The following BMPR1A variants were observed in gnomAD, a reference collection of about 807,000 sequenced individuals.
BMPR1A encodes bone morphogenetic protein receptor type 1A, also known as bone morphogenetic protein receptor type-1A.
BMPR1A carries 7 observed loss-of-function variants against 66.0 expected under a neutral mutation model. The ratio of observed to expected loss-of-function variants is 0.11; its 90% CI spans 0.06 to 0.20. BMPR1A has a LOEUF of 0.20. Among genes scored for constraint, BMPR1A ranks in the 10% least tolerant of loss-of-function variants. The pLI, the probability that BMPR1A is intolerant of heterozygous loss-of-function variation, is 1.00. For missense variants in BMPR1A, 408 were observed against 669.1 expected (o/e 0.61, Z 4.31); for synonymous variants, 200 against 229.7 (o/e 0.87, Z 1.17).
At chr10:86,870,878 C>T (rs1564709087) in intron 2 of BMPR1A, among the ~76,000 whole-genome samples, 1 of 152,020 alleles carries the variant, frequency 6.6e-6, no homozygotes, top group Non-Finnish European at 1.5e-5. Context: ...GCTTACTCAT[C>T]TGTTTGCTTT....
Position 86,925,596 on chromosome 10 carries a change from T to C in BMPR1A, c.*1877T>C, listed in dbSNP as rs1277384260. 5.0e-6 allele frequency: 1 copy of C among 201,494 alleles called. No homozygotes were observed. Among genetic ancestry groups the C allele is most frequent in the Non-Finnish European group, 1.0e-5 (1 of 98,154 alleles). The allele number at this position is 201,494 out of a possible 1,614,324, so 12.5% of individuals were successfully genotyped here. A position where few individuals can be genotyped will look rare whatever the true frequency, so the allele number is the denominator to read the frequency against. ...TTTTCAGAATTTTTCACCATATGTA[T>C]ACTGAGAAATACAAATATTTTAATC... is the stretch of plus-strand genomic sequence containing the variant. On this transcript the variant is annotated 3_prime_UTR_variant, in exon 13 of 13. Coordinates refer to ENST00000372037, the MANE Select transcript of BMPR1A (RefSeq NM_004329.3).
At chr10:86,846,858 T>C (rs1184867930) in intron 2 of BMPR1A, among the ~76,000 whole-genome samples, 1 of 152,236 alleles carries the variant, frequency 6.6e-6, no homozygotes, top group Non-Finnish European at 1.5e-5. Context: ...AGTCCCACTC[T>C]CTTCCATTCA....
intron 1 of BMPR1A, among the ~76,000 whole-genome samples, chr10:86,835,050 T>G (rs980960250): frequency 6.6e-6 from 1 of 151,938 alleles, no homozygotes; most frequent in African/African-American, 2.4e-5. Context: ...AGAATTCCAT[T>G]ACATCTTGAT....
chr10:86,878,766 G>C (rs866322094), intron 3 of BMPR1A, among the ~76,000 whole-genome samples: 4 of 152,150 alleles, frequency 2.6e-5, no homozygotes, highest in Non-Finnish European at 4.4e-5. Context: ...CTAATAGCAA[G>C]AGCTACTGGA....
intron 7 of BMPR1A, among the ~76,000 whole-genome samples, chr10:86,902,062 G>A (rs1233605961): frequency 1.3e-5 from 2 of 152,068 alleles, no homozygotes; most frequent in Non-Finnish European, 2.9e-5. Context: ...GTTTCACCAT[G>A]TTGACCAGGC....
At chr10:86,795,714 A>C (rs1841698545) in intron 1 of BMPR1A, among the ~76,000 whole-genome samples, 1 of 152,032 alleles carries the variant, frequency 6.6e-6, no homozygotes, top group Non-Finnish European at 1.5e-5. Context: ...TAACTTAAAT[A>C]CTCTTAAAAG....
intron 2 of BMPR1A, among the ~76,000 whole-genome samples, chr10:86,864,673 A>T (rs1187592767): frequency 1.3e-5 from 2 of 152,212 alleles, no homozygotes; most frequent in Admixed American, 1.3e-4. Flanking sequence ...GCAAGTAATT[A>T]TGCTGAATCC....
At chr10:86,908,284 A>G (rs1236226259) in intron 7 of BMPR1A, among the ~76,000 whole-genome samples, 1 of 152,220 alleles carries the variant, frequency 6.6e-6, no homozygotes, top group Non-Finnish European at 1.5e-5. Context: ...TTCATTTTAC[A>G]TCGTATACAT....
intron 5 of BMPR1A, among the ~76,000 whole-genome samples, chr10:86,894,645 T>C (rs892856475): frequency 6.6e-6 from 1 of 152,218 alleles, no homozygotes; most frequent in African/African-American, 2.4e-5. Context: ...CAAATCTATA[T>C]ACTATATATG....
intron 5 of BMPR1A, among the ~76,000 whole-genome samples, chr10:86,898,895 T>G (rs1270034973): frequency 6.6e-6 from 1 of 152,184 alleles, no homozygotes; most frequent in Non-Finnish European, 1.5e-5. Flanking sequence ...AAGTAAAAAT[T>G]GTTTAAAAGT....
In BMPR1A at chr10:86,837,231, C is replaced by CTGTGTGTGTGTGTGTGTGTGTG. The variant is rs140440137; in HGVS notation, c.-267-1619_-267-1618insGTGTGTGTGTGTGTGTGTGTGT. Among the ~76,000 whole-genome samples the CTGTGTGTGTGTGTGTGTGTGTG allele has an allele frequency of 8.7e-3, 1,249 of 143,718 alleles. 10 individuals are homozygous for CTGTGTGTGTGTGTGTGTGTGTG. The highest frequency in any genetic ancestry group is 0.017 in the Middle Eastern group (5 of 288). The allele number at this position is 143,718 out of a possible 152,430, so 94.3% of individuals were successfully genotyped here. ...AATATCTGGCAGAATTAGAATCAGG[C>CTGTGTGTGTGTGTGTGTGTGTG]TGTGTGTGTGTGTGTCTGTGTGTGT... On this transcript the variant is annotated intron_variant, in intron 1 of 12. Transcript: ENST00000372037.
At chr10:86,782,729 G>GT (rs766352068) in intron 1 of BMPR1A, among the ~76,000 whole-genome samples, 44 of 148,214 alleles carry the variant, frequency 3.0e-4, no homozygotes, top group East Asian at 1.8e-3. Flanking sequence ...AGTTGTAGGA[G>GT]TTTTTTTTTT....
At chr10:86,814,611 A>C (rs1244032165) in intron 1 of BMPR1A, among the ~76,000 whole-genome samples, 1 of 151,666 alleles carries the variant, frequency 6.6e-6, no homozygotes, top group Non-Finnish European at 1.5e-5. Flanking sequence ...TTCTGTTCTG[A>C]TGTTGTTTTT....
intron 1 of BMPR1A, among the ~76,000 whole-genome samples, chr10:86,759,717 C>T (rs57864447): frequency 6.6e-6 from 1 of 152,234 alleles, no homozygotes; most frequent in African/African-American, 2.4e-5. Context: ...CCTTCTTTTT[C>T]TCTTTTTCAG....
chr10:86,803,769 C>A (rs535822222), intron 1 of BMPR1A, among the ~76,000 whole-genome samples: 1 of 151,980 alleles, frequency 6.6e-6, no homozygotes, highest in African/African-American at 2.4e-5. Flanking sequence ...TTTCAAAAGT[C>A]GAGGATATTT....
chr10:86,865,263 C>T (rs1399018712), intron 2 of BMPR1A, among the ~76,000 whole-genome samples: 1 of 152,102 alleles, frequency 6.6e-6, no homozygotes, highest in Non-Finnish European at 1.5e-5. Flanking sequence ...ATGGCCAGTC[C>T]TTGCCTTAAC....
chr10:86,760,201 T>G (rs1224245024), intron 1 of BMPR1A, among the ~76,000 whole-genome samples: 1 of 149,066 alleles, frequency 6.7e-6, no homozygotes, highest in Non-Finnish European at 1.5e-5. Flanking sequence ...TTTTTTTTTT[T>G]TTTTTTTTAA....
chr10:86,759,512 T>G (rs886220663), intron 1 of BMPR1A, among the ~76,000 whole-genome samples: 8 of 152,258 alleles, frequency 5.3e-5, no homozygotes, highest in Admixed American at 3.9e-4. Flanking sequence ...TTTGGTGTTC[T>G]TTATTTTTGT....
At chr10:86,823,644 C>T (rs998869864) in intron 1 of BMPR1A, among the ~76,000 whole-genome samples, 24 of 152,170 alleles carry the variant, frequency 1.6e-4, no homozygotes, top group Non-Finnish European at 3.4e-4. Flanking sequence ...GTTGTGTGTG[C>T]TGTGGGCATG....
Sources: gnomAD v4.1 joint callset for allele counts (sites outside exome capture counted in the v4.1 genomes callset) on GRCh38, gnomAD v4.1.1 for gene constraint, MANE v1.5 for transcripts, NCBI Gene and HGNC (gene_info 2026-07-23, HGNC 2026-07-21) for gene names.